CCDC7: variants seen among roughly 807,000 people sequenced by gnomAD.
CCDC7 encodes coiled-coil domain-containing protein 7.
In CCDC7, 183 loss-of-function variants were observed where a neutral mutation model predicts 196.9. The ratio of observed to expected loss-of-function variants is 0.93; its 90% CI spans 0.82 to 1.05. CCDC7 has a LOEUF of 1.05. Ranked by LOEUF, CCDC7 falls within the 50% of genes least tolerant of loss-of-function variation. The pLI, the probability that CCDC7 is intolerant of heterozygous loss-of-function variation, is 0.00. For missense variants in CCDC7, 1,540 were observed against 1,482.2 expected (o/e 1.04, Z -0.64); for synonymous variants, 525 against 484.6 (o/e 1.08, Z -1.10).
chr10:32,763,698 A>C (rs536628593), intron 28 of CCDC7, among the ~76,000 whole-genome samples: 5 of 152,094 alleles, frequency 3.3e-5, no homozygotes, highest in African/African-American at 1.2e-4. Context: ...CCTGGAAGAC[A>C]TGCTAAGTGA....
intron 22 of CCDC7, among the ~76,000 whole-genome samples, chr10:32,688,217 A>G (rs1388948216): frequency 3.3e-5 from 5 of 152,098 alleles, no homozygotes; most frequent in Non-Finnish European, 1.5e-5. Flanking sequence ...GAAGCAAACT[A>G]TTCAAGTTCC....
At chr10:32,603,027 G>T (rs1296337265) in intron 18 of CCDC7, among the ~76,000 whole-genome samples, 1 of 152,120 alleles carries the variant, frequency 6.6e-6, no homozygotes, top group African/African-American at 2.4e-5. Flanking sequence ...TCATCCTACT[G>T]TGCTATCACA....
intron 19 of CCDC7, 136 bp downstream of exon 20, chr10:32,634,500 G>T: frequency 3.0e-6 from 1 of 328,916 alleles, no homozygotes; most frequent in Non-Finnish European, 5.4e-6. Flanking sequence ...GGGTTGAAGC[G>T]ATTCTCCTGC....
At chr10:32,814,307 CA>C in intron 30 of CCDC7, 62 bp from the exon 32 acceptor site, 2 of 1,151,586 alleles carry the variant, frequency 1.7e-6, no homozygotes, top group Non-Finnish European at 2.6e-6. Context: ...CATGCACTCA[CA>C]CTGTCACATT....
At chr10:32,659,610 A>G (rs899136139) in intron 20 of CCDC7, among the ~76,000 whole-genome samples, 1 of 152,234 alleles carries the variant, frequency 6.6e-6, no homozygotes, top group Non-Finnish European at 1.5e-5. Context: ...AAACTAAAAC[A>G]CATTTACAAA....
chr10:32,615,273 G>A (rs1388261411), intron 18 of CCDC7, among the ~76,000 whole-genome samples: 1 of 152,120 alleles, frequency 6.6e-6, no homozygotes, highest in Admixed American at 6.6e-5. Flanking sequence ...CATAAAGGTT[G>A]TACTAATTTA....
At chr10:32,703,746 TCA>T (rs1203383579) in intron 24 of CCDC7, among the ~76,000 whole-genome samples, 1 of 152,116 alleles carries the variant, frequency 6.6e-6, no homozygotes, top group African/African-American at 2.4e-5. Flanking sequence ...ACTTCTCTTC[TCA>T]CTTCATTTCA....
chr10:32,447,207 T>A (rs917295808), upstream of CCDC7, among the ~76,000 whole-genome samples: 1 of 152,206 alleles, frequency 6.6e-6, no homozygotes, highest in Non-Finnish European at 1.5e-5. Context: ...ACTGAAATTG[T>A]TGCCGTTCTT....
exon 1 of CCDC7, chr10:32,451,867 G>A (rs762095619): frequency 5.7e-5 from 92 of 1,613,212 alleles, no homozygotes; most frequent in Middle Eastern, 3.3e-4. Context: ...GTAAGACAAA[G>A]AACTTACTAC....
At chr10:32,720,612 A>T (rs1328197043) in intron 25 of CCDC7, among the ~76,000 whole-genome samples, 1 of 152,124 alleles carries the variant, frequency 6.6e-6, no homozygotes, top group Non-Finnish European at 1.5e-5. Flanking sequence ...AGGGAAGGAT[A>T]ACGATTCCCC....
intron 13 of CCDC7, among the ~76,000 whole-genome samples, chr10:32,557,638 C>T (rs1007609063): frequency 6.6e-5 from 10 of 152,066 alleles, no homozygotes; most frequent in African/African-American, 2.2e-4. Context: ...TATGCTCATA[C>T]ATTAAATTTT....
At chr10:32,457,987 C>T (rs986955718) in intron 3 of CCDC7, among the ~76,000 whole-genome samples, 1 of 151,668 alleles carries the variant, frequency 6.6e-6, no homozygotes, top group Non-Finnish European at 1.5e-5. Context: ...TGTCTTTTCA[C>T]TCTGTTGGTT....
chr10:32,714,950 A>G (rs1157426605), intron 25 of CCDC7, among the ~76,000 whole-genome samples: 3 of 152,158 alleles, frequency 2.0e-5, no homozygotes, highest in Non-Finnish European at 4.4e-5. Context: ...CATCTGGGGG[A>G]AGGGGTGGCT....
chr10:32,679,331 G>A (rs533064702), intron 21 of CCDC7, among the ~76,000 whole-genome samples: 7 of 152,160 alleles, frequency 4.6e-5, no homozygotes, highest in African/African-American at 1.4e-4. Flanking sequence ...CCTCCAATTG[G>A]CAAACAGAAG....
intron 12 of CCDC7, 26 bp from the exon 14 acceptor site, chr10:32,544,221 G>A (rs1246990552): frequency 1.9e-6 from 3 of 1,572,820 alleles, no homozygotes; most frequent in East Asian, 4.6e-5. Context: ...ATATCATGAT[G>A]CATTTTAAAA....
At chr10:32,606,524 C>G (rs2061574181) in intron 18 of CCDC7, among the ~76,000 whole-genome samples, 1 of 152,202 alleles carries the variant, frequency 6.6e-6, no homozygotes, top group Non-Finnish European at 1.5e-5. Flanking sequence ...TGGGGCTTAC[C>G]CTGCACAGCC....
At chr10:32,447,454 T>C (rs1347197945), upstream of CCDC7, among the ~76,000 whole-genome samples, 2 of 152,212 alleles carry the variant, frequency 1.3e-5, no homozygotes, top group Non-Finnish European at 2.9e-5. Flanking sequence ...TGCTTGGACC[T>C]GAAGGTTTTG....
intron 9 of CCDC7, among the ~76,000 whole-genome samples, chr10:32,498,362 C>A (rs117527741): frequency 2.0e-5 from 3 of 152,016 alleles, no homozygotes; most frequent in South Asian, 2.1e-4. Context: ...CTTTTGATTG[C>A]GGCATTTAGC....
chr10:32,734,870 C>A (rs2084595367), intron 28 of CCDC7, among the ~76,000 whole-genome samples: 1 of 151,702 alleles, frequency 6.6e-6, no homozygotes, highest in Non-Finnish European at 1.5e-5. Flanking sequence ...TGCGCTCCAG[C>A]CTGGGTGACA....
Sources: allele counts gnomAD v4.1 joint callset (sites outside exome capture counted in the v4.1 genomes callset), GRCh38; gene constraint gnomAD v4.1.1; transcripts MANE v1.5; gene names NCBI Gene and HGNC (gene_info 2026-07-23, HGNC 2026-07-21).